GCFC2: variants seen among roughly 807,000 people sequenced by gnomAD.
GCFC2 encodes the protein GC-rich sequence DNA-binding factor 2, also known as intron Large complex component GCFC2.
In GCFC2, 102 loss-of-function variants were observed where a neutral mutation model predicts 99.4. That is an observed-to-expected ratio of 1.03 (90% CI 0.87 to 1.21). The LOEUF is 1.21. Among genes scored for constraint, GCFC2 ranks in the 50% most tolerant of loss-of-function variants. GCFC2 has a pLI of 0.00. For missense variants in GCFC2, 973 were observed against 920.9 expected, an observed-to-expected ratio of 1.06 and a Z score of -0.73; for synonymous variants, 338 against 316.8, an observed-to-expected ratio of 1.07 and a Z score of -0.71.
intron 12 of GCFC2, among the ~76,000 whole-genome samples, chr2:75,675,750 AAAAAAAAAC>A (rs1395974427): frequency 6.6e-6 from 1 of 151,294 alleles, no homozygotes; most frequent in Non-Finnish European, 1.5e-5. Context: ...TCAAAAAAAA[AAAAAAAAAC>A]AAAAAAAAGA....
intron 2 of GCFC2, among the ~76,000 whole-genome samples, chr2:75,703,124 G>A (rs1319614749): frequency 6.6e-6 from 1 of 151,946 alleles, no homozygotes; most frequent in African/African-American, 2.4e-5. Flanking sequence ...AATATCATTA[G>A]CATAAACTCT....
At chr2:75,672,980 T>G (rs528455378) in intron 13 of GCFC2, among the ~76,000 whole-genome samples, 1 of 152,168 alleles carries the variant, frequency 6.6e-6, no homozygotes, top group Non-Finnish European at 1.5e-5. Flanking sequence ...AAATCTCAAT[T>G]TGCATCCTCA....
At chr2:75,712,869 T>A (rs994350568), upstream of GCFC2, among the ~76,000 whole-genome samples, 2 of 152,100 alleles carry the variant, frequency 1.3e-5, no homozygotes. Context: ...ACCCACCAAT[T>A]CCGGACACAA....
chr2:75,701,309 T>G (rs775520907), intron 3 of GCFC2, 22 bp from the exon 4 acceptor site: 2 of 1,382,646 alleles, frequency 1.4e-6, no homozygotes, highest in Non-Finnish European at 2.1e-6. Flanking sequence ...AAAGCTCACA[T>G]GTAAACGTTT....
intron 4 of GCFC2, among the ~76,000 whole-genome samples, chr2:75,700,123 T>C (rs1680516446): frequency 6.6e-6 from 1 of 152,030 alleles, no homozygotes; most frequent in African/African-American, 2.4e-5. Flanking sequence ...CTAGTCTTCT[T>C]TGTACTCAAG....
intron 2 of GCFC2, among the ~76,000 whole-genome samples, chr2:75,703,117 A>G (rs974175045): frequency 1.3e-5 from 2 of 152,208 alleles, no homozygotes; most frequent in Non-Finnish European, 2.9e-5. Flanking sequence ...CAGCATAAAT[A>G]TCATTAGCAT....
intron 4 of GCFC2, among the ~76,000 whole-genome samples, chr2:75,699,139 A>G (rs1680463625): frequency 1.3e-5 from 2 of 152,202 alleles, no homozygotes; most frequent in South Asian, 4.1e-4. Flanking sequence ...TGAGAGTGAC[A>G]GTGTCCAATC....
intron 5 of GCFC2, among the ~76,000 whole-genome samples, chr2:75,694,930 T>G (rs1476512292): frequency 2.6e-5 from 4 of 152,142 alleles, no homozygotes; most frequent in Admixed American, 6.5e-5. Context: ...AATGGGTTCC[T>G]CTAGGGAGGG....
At chr2:75,678,067 C>G (rs1679427492) in intron 12 of GCFC2, among the ~76,000 whole-genome samples, 1 of 151,964 alleles carries the variant, frequency 6.6e-6, no homozygotes, top group Non-Finnish European at 1.5e-5. Context: ...ACTTAGTATT[C>G]AAGTATTTCA....
At chr2:75,702,674 T>G (rs1680661551) in intron 2 of GCFC2, among the ~76,000 whole-genome samples, 1 of 152,184 alleles carries the variant, frequency 6.6e-6, no homozygotes, top group Non-Finnish European at 1.5e-5. Flanking sequence ...CTTCATTTTA[T>G]CTTTTAACTC....
At chr2:75,681,432 C>T (rs1199984195) in intron 11 of GCFC2, among the ~76,000 whole-genome samples, 6 of 151,216 alleles carry the variant, frequency 4.0e-5, no homozygotes, top group South Asian at 4.1e-4. Flanking sequence ...TCTTCGCAAC[C>T]GGCAGACCAG....
At chr2:75,682,485 G>A (rs1430841254) in intron 11 of GCFC2, among the ~76,000 whole-genome samples, 1 of 151,850 alleles carries the variant, frequency 6.6e-6, no homozygotes, top group Non-Finnish European at 1.5e-5. Flanking sequence ...CCACAAAGAT[G>A]GGGAGAAACC....
chr2:75,712,400 A>G (rs1681224369), upstream of GCFC2, among the ~76,000 whole-genome samples: 1 of 152,146 alleles, frequency 6.6e-6, no homozygotes, highest in Admixed American at 6.5e-5. Context: ...GAAACTCTGT[A>G]TCTAACTAAT....
chr2:75,672,726 G>A (rs573069631), intron 13 of GCFC2, among the ~76,000 whole-genome samples: 2 of 152,242 alleles, frequency 1.3e-5, no homozygotes, highest in African/African-American at 4.8e-5. Context: ...GTTGTGTTCT[G>A]AGCATTCTCT....
intron 1 of GCFC2, 136 bp downstream of exon 1, chr2:75,710,455 G>A (rs1279039226): frequency 1.5e-6 from 2 of 1,376,140 alleles, no homozygotes; most frequent in African/African-American, 1.5e-5. Flanking sequence ...TTCTGGATAA[G>A]TCTTTCTGGA....
At chr2:75,678,804 T>C (rs1475688601) in intron 12 of GCFC2, among the ~76,000 whole-genome samples, 1 of 152,196 alleles carries the variant, frequency 6.6e-6, no homozygotes, top group Non-Finnish European at 1.5e-5. Flanking sequence ...TGCAGTGTGG[T>C]GGCACAATCA....
chr2:75,700,099 C>T (rs1372077164), intron 4 of GCFC2, among the ~76,000 whole-genome samples: 1 of 151,980 alleles, frequency 6.6e-6, no homozygotes, highest in Non-Finnish European at 1.5e-5. Flanking sequence ...CAGGGTTTGG[C>T]TATGTTGCCC....
At chr2:75,708,501 CTTTTTTTTTTTTTTT>C (rs34414596) in intron 1 of GCFC2, among the ~76,000 whole-genome samples, 1 of 78,642 alleles carries the variant, frequency 1.3e-5, no homozygotes, top group African/African-American at 4.8e-5. Context: ...CATTTGGCAA[CTTTTTTTTTTTTTTT>C]TTTTTTTTTT....
At chr2:75,691,872 G>T in intron 7 of GCFC2, 105 bp downstream of exon 7, 1 of 570,480 alleles carries the variant, frequency 1.8e-6, no homozygotes, top group Non-Finnish European at 2.6e-6. Flanking sequence ...AAGGGTTTGT[G>T]GGAAAATACA....
Sources: allele counts gnomAD v4.1 joint callset (sites outside exome capture counted in the v4.1 genomes callset), GRCh38; gene constraint gnomAD v4.1.1; transcripts MANE v1.5; gene names NCBI Gene and HGNC (gene_info 2026-07-23, HGNC 2026-07-21).